FRYL: variants seen among roughly 807,000 people sequenced by gnomAD.
The protein encoded by FRYL is protein furry homolog-like.
In FRYL, 150 loss-of-function variants were observed where a neutral mutation model predicts 351.2. That is an observed-to-expected ratio of 0.43 (90% CI 0.37 to 0.49). FRYL has a LOEUF of 0.49. Among genes scored for constraint, FRYL ranks in the 20% least tolerant of loss-of-function variants. The probability of loss-of-function intolerance (pLI) is 0.00; values close to 1 mark genes in which losing one functional copy is unlikely to be tolerated. For synonymous variants in FRYL, 1,153 were observed against 1,257.1 expected (o/e 0.92, Z 1.75); for missense variants, 3,036 against 3,619.3 (o/e 0.84, Z 4.13).
chr4:48,607,124 G>A (rs1449877540), intron 9 of FRYL, among the ~76,000 whole-genome samples: 2 of 152,062 alleles, frequency 1.3e-5, no homozygotes, highest in Non-Finnish European at 2.9e-5. Context: ...CATCATCCTG[G>A]ATTCAAATCA....
chr4:48,606,913 C>T (rs1746958640), intron 9 of FRYL, among the ~76,000 whole-genome samples: 1 of 152,114 alleles, frequency 6.6e-6, no homozygotes, highest in Non-Finnish European at 1.5e-5. Context: ...TATCAAATAA[C>T]CAACCCACAA....
rs1211940121 is a variant in FRYL, at chr4:48,604,686, A to C, written c.834+1055T>G. 7.2e-5 allele frequency among the ~76,000 whole-genome samples: 11 copies of C among 152,350 alleles called. No individual in the cohort carries two copies. In the East Asian group the frequency reaches 2.1e-3, roughly 29 times the overall value. On this transcript the variant is annotated intron_variant, in intron 11 of 63. Transcript: ENST00000358350. ...TGCTGGCACTTTGATCTCACACTCT[A>C]GCCTCCGTAAATATGAGACAATATA...
chr4:48,678,495 A>G (rs1366533982), intron 3 of FRYL, among the ~76,000 whole-genome samples: 1 of 135,882 alleles, frequency 7.4e-6, no homozygotes, highest in Non-Finnish European at 1.6e-5. Context: ...GCGACAGAGC[A>G]AAACTCCATC....
At chr4:48,683,499 C>T (rs1388304698) in intron 3 of FRYL, among the ~76,000 whole-genome samples, 1 of 151,416 alleles carries the variant, frequency 6.6e-6, no homozygotes, top group Non-Finnish European at 1.5e-5. Context: ...TATCACATTA[C>T]TTATTAAGTC....
chr4:48,580,787 T>G (rs1180304217), intron 22 of FRYL, 78 bp downstream of exon 22: 1 of 874,222 alleles, frequency 1.1e-6, no homozygotes, highest in South Asian at 1.5e-5. Context: ...ATTTTATGTA[T>G]GCACATGTAC....
At chr4:48,655,523 CTAGT>C (rs1162242301) in intron 3 of FRYL, among the ~76,000 whole-genome samples, 6 of 151,736 alleles carry the variant, frequency 4.0e-5, no homozygotes, top group East Asian at 3.9e-4. Flanking sequence ...TTTACAGAAA[CTAGT>C]TAAATTTTTC....
intron 1 of FRYL, among the ~76,000 whole-genome samples, chr4:48,738,671 T>G (rs1437126284): frequency 6.6e-6 from 1 of 151,524 alleles, no homozygotes; most frequent in Non-Finnish European, 1.5e-5. Flanking sequence ...CTAACTTTTT[T>G]TTTTTTTTTT....
chr4:48,677,479 C>T (rs935048874), intron 3 of FRYL, among the ~76,000 whole-genome samples: 6 of 151,726 alleles, frequency 4.0e-5, no homozygotes, highest in East Asian at 3.9e-4. Context: ...AGTGCGATCT[C>T]GGCTCACTGC....
chr4:48,542,097 T>A lies in FRYL; in HGVS notation c.5617A>T (p.Thr1873Ser). 6.2e-7 allele frequency: 1 copy of A among 1,613,626 alleles called. No homozygotes were observed. The highest frequency in any genetic ancestry group is 1.3e-5 in the African/African-American group (1 of 75,018). The change falls in exon 45 of 64, where the codon ACA (threonine) becomes TCA (serine). Residue 1873 changes from threonine (T) to serine (S), a missense_variant. Physicochemically the swap from Thr to Ser is moderately conservative, Grantham distance 58. Coordinates refer to ENST00000358350, the MANE Select transcript of FRYL (RefSeq NM_015030.2). ...AAAGTATCAATTGCAGATTCCAATG[T>A]GAGAAGAAGCTCAATCACAAATCCC... ...AQGFVIELLL[T>S]LESAIDTLAE...
At chr4:48,684,262 A>G (rs1470052533) in intron 3 of FRYL, among the ~76,000 whole-genome samples, 1 of 152,222 alleles carries the variant, frequency 6.6e-6, no homozygotes, top group Non-Finnish European at 1.5e-5. Flanking sequence ...GAAGGGAAAT[A>G]TACTCTCACA....
chr4:48,586,526 A>G, intron 19 of FRYL, 95 bp downstream of exon 19: 1 of 786,786 alleles, frequency 1.3e-6, no homozygotes, highest in Non-Finnish European at 2.1e-6. Context: ...TGTCTTTAAC[A>G]TCGCCTTTTT....
chr4:48,536,662 C>T (rs1399552698), intron 47 of FRYL, among the ~76,000 whole-genome samples: 2 of 152,188 alleles, frequency 1.3e-5, no homozygotes, highest in Non-Finnish European at 2.9e-5. Flanking sequence ...CTCTTACATA[C>T]CAATCTGTCA....
At chr4:48,767,427 G>A (rs61008309) in intron 1 of FRYL, among the ~76,000 whole-genome samples, 183 of 152,204 alleles carry the variant, frequency 1.2e-3, no homozygotes, top group African/African-American at 4.3e-3. Context: ...TTTGGGTGGG[G>A]ACACAAAGCC....
chr4:48,725,639 A>G (rs534180662), intron 1 of FRYL, among the ~76,000 whole-genome samples: 1 of 152,166 alleles, frequency 6.6e-6, no homozygotes, highest in East Asian at 1.9e-4. Context: ...CCACATCCAC[A>G]CTGTCTATGC....
At chr4:48,507,365 C>T (rs1270112246) in intron 59 of FRYL, among the ~76,000 whole-genome samples, 2 of 152,190 alleles carry the variant, frequency 1.3e-5, no homozygotes, top group African/African-American at 4.8e-5. Flanking sequence ...AATCAGTCTT[C>T]CTGTCACGGC....
intron 1 of FRYL, among the ~76,000 whole-genome samples, chr4:48,733,009 C>T (rs1356244184): frequency 1.3e-5 from 2 of 151,362 alleles, no homozygotes; most frequent in Non-Finnish European, 2.9e-5. Flanking sequence ...GGTGTGGTGG[C>T]TCATGCCTGT....
At chr4:48,571,542 C>G in intron 26 of FRYL, 1 of 537,988 alleles carries the variant, frequency 1.9e-6, no homozygotes, top group Non-Finnish European at 2.4e-6. Context: ...TACTATAGGT[C>G]ATTATTTCAT....
intron 4 of FRYL, 86 bp downstream of exon 4, chr4:48,634,205 T>C (rs901316584): frequency 1.7e-5 from 17 of 977,180 alleles, no homozygotes; most frequent in Non-Finnish European, 2.6e-5. Context: ...TTTTCAAGTA[T>C]ATTATTTCCT....
At position 48,522,941 on chromosome 4, in the gene FRYL, G is replaced by A. The variant is rs752057204; in HGVS notation, c.7481C>T (p.Ala2494Val). The A allele has an allele frequency of 9.3e-6, 15 of 1,613,840 alleles. No individual in the cohort carries two copies. Among genetic ancestry groups the A allele is most frequent in the African/African-American group, 1.3e-5 (1 of 74,912 alleles). The change falls in exon 54 of 64, where the codon GCG (alanine) becomes GTG (valine). Residue 2494 changes from alanine to valine, a missense_variant. This residue lies in a region of FRYL where 1,987 missense variants were observed against 2,311.7 expected (regional missense o/e 0.86). Coordinates refer to ENST00000358350, the MANE Select transcript of FRYL (RefSeq NM_015030.2). ...GAGTATCTGGCTTGCTGTAAGTGCC[G>A]CTTCTTCTTCCGAGGACTCATCTGT... ...EDTDESSEEE[A>V]ALTASQILSR...
Sources: allele counts gnomAD v4.1 joint callset (sites outside exome capture counted in the v4.1 genomes callset), GRCh38; gene constraint gnomAD v4.1.1; regional missense constraint gnomAD v4.1.1; transcripts MANE v1.5; gene names NCBI Gene and HGNC (gene_info 2026-07-23, HGNC 2026-07-21).